Variants in NR1H3 observed in about 807,000 individuals in gnomAD.
NR1H3 encodes oxysterols receptor LXR-alpha.
In NR1H3, 19 loss-of-function variants were observed where a neutral mutation model predicts 48.1. The ratio of observed to expected loss-of-function variants is 0.40; its 90% confidence interval spans 0.28 to 0.58. The LOEUF (loss-of-function observed/expected upper bound fraction) is 0.58. Among genes scored for constraint, NR1H3 ranks in the 20% least tolerant of loss-of-function variants. The probability of loss-of-function intolerance (pLI) is 0.50; values close to 1 mark genes in which losing one functional copy is unlikely to be tolerated. For missense variants in NR1H3, 486 were observed against 595.9 expected (o/e 0.82, Z 1.92); for synonymous variants, 232 against 227.3 (o/e 1.02, Z -0.19).
intron 7 of NR1H3, among the ~76,000 whole-genome samples, chr11:47,263,082 G>T (rs1024910270): frequency 1.3e-5 from 2 of 151,938 alleles, no homozygotes; most frequent in Non-Finnish European, 2.9e-5. Context: ...CTTTACTTTA[G>T]CCAAACAAGA....
In NR1H3 at chr11:47,263,969, G is replaced by C. The variant is rs557813141; in HGVS notation, c.988+1951G>C. ...AACCATGGCATGGCAAACATGCCCA[G>C]AGAGGATGTACAATAAGAGCGAATG... is the stretch of plus-strand genomic sequence containing the variant. On this transcript the variant is annotated intron_variant, in intron 7 of 9. Transcript: ENST00000441012. Among the ~76,000 whole-genome samples the C allele has an allele frequency of 3.9e-5, 6 of 152,280 alleles. No homozygotes were observed. The South Asian group carries it at 1.2e-3, about 32-fold the overall frequency.
At chr11:47,262,369 C>T (rs1440762807) in intron 7 of NR1H3, among the ~76,000 whole-genome samples, 1 of 150,502 alleles carries the variant, frequency 6.6e-6, no homozygotes, top group Non-Finnish European at 1.5e-5. Context: ...ACAACAACAA[C>T]AACAACAAAA....
At chr11:47,259,725 A>G in intron 2 of NR1H3, 66 bp from the exon 3 acceptor site, 1 of 1,603,106 alleles carries the variant, frequency 6.2e-7, no homozygotes, top group South Asian at 1.1e-5. Flanking sequence ...TTTCCCAGCT[A>G]GGACGCTGGG....
In NR1H3 at chr11:47,261,610, A is replaced by G; in HGVS notation, c.772A>G (p.Thr258Ala). 6.2e-7 allele frequency: 1 copy of G among 1,614,130 alleles called. No individual in the cohort carries two copies. The highest frequency in any genetic ancestry group is 2.2e-5 in the East Asian group (1 of 44,884). Residue 258 changes from threonine to alanine, a missense_variant, in exon 6 of 10, where the codon ACT becomes GCT. By Grantham distance (58) the Thr-to-Ala change is moderately conservative. Coordinates refer to ENST00000441012, the MANE Select transcript of NR1H3 (RefSeq NM_005693.4). ...CCGTCAGCAGCGCTTTGCCCACTTC[A>G]CTGAGCTGGCCATCGTCTCTGTGCA... ...EARQQRFAHF[T>A]ELAIVSVQEI...
intron 7 of NR1H3, among the ~76,000 whole-genome samples, chr11:47,264,809 C>T (rs760640121): frequency 3.9e-5 from 6 of 152,202 alleles, no homozygotes; most frequent in African/African-American, 1.2e-4. Context: ...CCTCCCTATC[C>T]GCTACTATTT....
At chr11:47,257,533 TC>T, upstream of NR1H3, 1 of 460,166 alleles carries the variant, frequency 2.2e-6, no homozygotes, top group Non-Finnish European at 2.9e-6. Context: ...GGGGAGAGCT[TC>T]TTGGCCTCTT....
At chr11:47,248,603 TC>T, upstream of NR1H3, 1 of 1,555,930 alleles carries the variant, frequency 6.4e-7, no homozygotes, top group Non-Finnish European at 8.7e-7. Flanking sequence ...CTTCCCGAGA[TC>T]CTCGACCTCC....
At position 47,261,443 on chromosome 11, in the gene NR1H3, A is replaced by G. The variant is rs201622288; in HGVS notation, c.702A>G (p.Arg234=). The G allele has an allele frequency of 3.7e-6, 6 of 1,614,022 alleles. No individual in the cohort carries two copies. The Admixed American group carries it at 8.3e-5, about 22-fold the overall frequency. ...CNRRSFSDRL[R]VTPWPMAPDP... ...GGCGCTCCTTTTCTGACCGGCTTCGAGTCACGGTACTTGACACACCTGGGG... is the reference window on the plus strand; with the variant it reads ...GGCGCTCCTTTTCTGACCGGCTTCGGGTCACGGTACTTGACACACCTGGGG... Residue 234 remains arginine (R), a synonymous_variant, in exon 5 of 10, where the codon CGA becomes CGG. Coordinates refer to ENST00000441012, the MANE Select transcript of NR1H3 (RefSeq NM_005693.4).
At chr11:47,249,857 C>T (rs1459115159) in intron 1 of NR1H3, among the ~76,000 whole-genome samples, 5 of 151,790 alleles carry the variant, frequency 3.3e-5, no homozygotes, top group Non-Finnish European at 7.4e-5. Flanking sequence ...TTTGAGAGGC[C>T]GAAGCAGGCA....
At chr11:47,255,038 G>C (rs1189903583), upstream of NR1H3, among the ~76,000 whole-genome samples, 1 of 152,248 alleles carries the variant, frequency 6.6e-6, no homozygotes. Context: ...GAATGGGGCA[G>C]GGGGTGAATG....
intron 7 of NR1H3, 47 bp downstream of exon 7, chr11:47,262,065 T>G (rs1243602310): frequency 6.5e-6 from 9 of 1,380,504 alleles, no homozygotes; most frequent in Non-Finnish European, 2.0e-6. Context: ...GGACAGATGC[T>G]TCTTTTTTTA....
At chr11:47,268,483 T>TCCCC in intron 9 of NR1H3, 67 bp from the exon 10 acceptor site, 1 of 1,604,314 alleles carries the variant, frequency 6.2e-7, no homozygotes, top group Non-Finnish European at 8.5e-7. Flanking sequence ...CTCCCACAAC[T>TCCCC]CCCCTACTCT....
chr11:47,254,760 C>G (rs749836491), upstream of NR1H3, among the ~76,000 whole-genome samples: 2 of 152,198 alleles, frequency 1.3e-5, no homozygotes, highest in South Asian at 2.1e-4. Context: ...CCTGTTCCCC[C>G]TCTCCCACCC....
At chr11:47,259,410 C>T in intron 2 of NR1H3, 151 bp downstream of exon 2, 2 of 1,570,850 alleles carry the variant, frequency 1.3e-6, no homozygotes, top group Non-Finnish European at 8.6e-7. Context: ...GCCCAGATCA[C>T]CTCTCCCCTG....
rs1955842960 is a variant in NR1H3 at position 47,261,358 on chromosome 11, T to G, written c.617T>G (p.Leu206Arg). ...TCACCCCCCCAAATCCTGCCCCAGCTCAGCCCGGAACAACTGGGCATGATC... is the reference window on the plus strand; with the variant it reads ...TCACCCCCCCAAATCCTGCCCCAGCGCAGCCCGGAACAACTGGGCATGATC... ...ASSPPQILPQLSPEQLGMIEK... is the reference protein window; with the variant it reads ...ASSPPQILPQRSPEQLGMIEK... Residue 206 changes from leucine to arginine, a missense_variant, in exon 5 of 10, where the codon CTC (leucine) becomes CGC (arginine). Transcript: ENST00000441012. The G allele has an allele frequency of 6.2e-7, 1 of 1,613,684 alleles. No homozygotes were observed. The highest frequency in any genetic ancestry group is 1.7e-5 in the Admixed American group (1 of 59,950).
In NR1H3 at chr11:47,261,814, A is replaced by G. The variant is rs755009784; in HGVS notation, c.888+88A>G. 3 of 1,604,900 alleles carry G rather than the reference A, an allele frequency of 1.9e-6. No homozygotes were observed. In the African/African-American group the frequency reaches 4.0e-5, roughly 21 times the overall value. The stretch of plus-strand genomic sequence containing the variant: ...TCCAGACATCGAGCTGGGAGAGCCA[A>G]ATCTGCTGGGAAGCAGGGATGAGGA... On this transcript the variant is annotated intron_variant, in intron 6 of 9. Transcript: ENST00000441012.
At chr11:47,249,431 C>T (rs1329999511) in intron 1 of NR1H3, among the ~76,000 whole-genome samples, 3 of 152,148 alleles carry the variant, frequency 2.0e-5, no homozygotes, top group Non-Finnish European at 4.4e-5. Flanking sequence ...TCCCTCCCCT[C>T]CACTTCCAAG....
Position 47,268,723 on chromosome 11 carries a change from T to C in NR1H3, c.*27T>C, listed in dbSNP as rs773737909. 3 of 1,608,142 alleles carry C rather than the reference T, an allele frequency of 1.9e-6. No individual in the cohort carries two copies. The South Asian group carries it at 3.3e-5, about 18-fold the overall frequency. On this transcript the variant is annotated 3_prime_UTR_variant, in exon 10 of 10. Transcript: ENST00000441012. ...TGTTCTGTCCCCATATTTTCTGTTT[T>C]CTTGGCCGGATGGCTGAGGCCTGGT... is the stretch of plus-strand genomic sequence containing the variant.
At position 47,259,995 on chromosome 11, in the gene NR1H3, G is replaced by A; in HGVS notation, c.232+16G>A. 1.3e-6 allele frequency: 2 copies of A among 1,496,300 alleles called. No individual in the cohort carries two copies. Among genetic ancestry groups the A allele is most frequent in the South Asian group, 1.4e-5 (1 of 72,754 alleles). 92.7% of individuals were successfully genotyped at this position (1,496,300 alleles called of 1,614,324 possible). On this transcript the variant is annotated intron_variant, in intron 3 of 9. Coordinates refer to ENST00000441012, the MANE Select transcript of NR1H3 (RefSeq NM_005693.4). ...GAACCCACAGGTGAGGAGCTTCTGG[G>A]TTTGGAGGAGGTAGGGGTCCAGATT...
Sources: gnomAD v4.1 joint callset for allele counts (sites outside exome capture counted in the v4.1 genomes callset) on GRCh38, gnomAD v4.1.1 for gene constraint, MANE v1.5 for transcripts, NCBI Gene and HGNC (gene_info 2026-07-23, HGNC 2026-07-21) for gene names.